The following ABI2 variants were observed in gnomAD, a reference collection of about 807,000 sequenced individuals.
ABI2 encodes abl interactor 2, also known as abelson interactor 2.
In ABI2, 25 loss-of-function variants were observed where a neutral mutation model predicts 59.2. The observed-to-expected ratio is 0.42, with a 90% CI of 0.31 to 0.59. The LOEUF (loss-of-function observed/expected upper bound fraction) is 0.59. Ranked by LOEUF, ABI2 falls within the 20% of genes least tolerant of loss-of-function variation. The probability of loss-of-function intolerance (pLI) is 0.14; values close to 1 mark genes in which losing one functional copy is unlikely to be tolerated. For missense variants in ABI2, 545 were observed against 681.8 expected (o/e 0.80, Z 2.23); for synonymous variants, 213 against 235.5 (o/e 0.90, Z 0.87).
At chr2:203,345,702 C>A (rs1483514670) in intron 1 of ABI2, among the ~76,000 whole-genome samples, 1 of 151,958 alleles carries the variant, frequency 6.6e-6, no homozygotes, top group African/African-American at 2.4e-5. Context: ...AGCCACCACG[C>A]CCAGCCCTAA....
chr2:203,340,825 A>G (rs1274316751), intron 1 of ABI2, among the ~76,000 whole-genome samples: 9 of 148,700 alleles, frequency 6.1e-5, no homozygotes, highest in African/African-American at 1.5e-4. Flanking sequence ...AGCAAAGCTG[A>G]AAAAAAAAAC....
At chr2:203,395,487 T>A (rs1009891286) in intron 6 of ABI2, among the ~76,000 whole-genome samples, 169 bp from the exon 7 acceptor site, 14 of 117,610 alleles carry the variant, frequency 1.2e-4, no homozygotes, top group African/African-American at 3.6e-4. Flanking sequence ...ACACACACAT[T>A]TTTTTTTAAC....
chr2:203,394,839 A>G lies in ABI2; in HGVS notation c.718A>G (p.Thr240Ala), dbSNP rs752801855. Residue 240 changes from threonine (T) to alanine (A), a missense_variant, in exon 6 of 12, where the codon ACT becomes GCT. By Grantham distance (58) the Thr-to-Ala change is moderately conservative. Transcript: ENST00000261018. ...AGCTTCTGTGAATCAAAGAAATCGA[A>G]CTTACAGGTATTTTCTCTACCTCAG... Reference protein sequence around the residue: ...RTASVNQRNRTYSSSGSSGGS... With the variant: ...RTASVNQRNRAYSSSGSSGGS... The G allele has an allele frequency of 6.2e-7, 1 of 1,613,954 alleles. No individual in the cohort carries two copies. The highest frequency in any genetic ancestry group is 1.3e-5 in the African/African-American group (1 of 74,916).
intron 8 of ABI2, among the ~76,000 whole-genome samples, chr2:203,398,027 A>T (rs1420329304): frequency 2.6e-5 from 4 of 152,234 alleles, no homozygotes; most frequent in Non-Finnish European, 5.9e-5. Context: ...AAAGCATATC[A>T]ATCACCGTAG....
chr2:203,407,124 CA>C (rs1165451739), intron 9 of ABI2, among the ~76,000 whole-genome samples: 3 of 152,036 alleles, frequency 2.0e-5, no homozygotes, highest in African/African-American at 4.8e-5. Flanking sequence ...GAATTTTGAG[CA>C]AAGAATTGTT....
intron 1 of ABI2, chr2:203,342,145 A>G: frequency 2.2e-6 from 1 of 449,408 alleles, no homozygotes; most frequent in East Asian, 7.0e-5. Flanking sequence ...CTTATGACTC[A>G]CACCATTTAT....
In ABI2 at chr2:203,350,248, C is replaced by T. The variant is rs117219927; in HGVS notation, c.118-16629C>T. Among the ~76,000 whole-genome samples the T allele has an allele frequency of 2.0e-4, 31 of 152,114 alleles. No individual in the cohort carries two copies. In the East Asian group the frequency reaches 5.6e-3, roughly 28 times the overall value. ...TGCATTACTATGCCCGGCTAATTCTCGTATTTTTAGTAGAGACGAGGTTTC... is the reference window on the plus strand; with the variant it reads ...TGCATTACTATGCCCGGCTAATTCTTGTATTTTTAGTAGAGACGAGGTTTC... On this transcript the variant is annotated intron_variant, in intron 1 of 11. Transcript: ENST00000261018.
Position 203,394,683 on chromosome 2 carries a change from C to A in ABI2, c.579-17C>A. 1 of 1,612,512 alleles carries A rather than the reference C, an allele frequency of 6.2e-7. No individual in the cohort carries two copies. The highest frequency in any genetic ancestry group is 1.7e-5 in the Admixed American group (1 of 59,828). Reference sequence around the variant, plus strand: ...AACTTGCTTAATCATACAATACATACGCTCTTCTTTTTGTAGGCGGCACTC... The same window carrying A: ...AACTTGCTTAATCATACAATACATAAGCTCTTCTTTTTGTAGGCGGCACTC... On this transcript the variant is annotated splice_polypyrimidine_tract_variant and intron_variant, in intron 5 of 11. Coordinates refer to ENST00000261018, the MANE Select transcript of ABI2 (RefSeq NM_001375670.1).
At chr2:203,374,486 G>A (rs190678718) in intron 2 of ABI2, among the ~76,000 whole-genome samples, 4 of 132,390 alleles carry the variant, frequency 3.0e-5, no homozygotes, top group East Asian at 2.2e-4. Context: ...GTGGCAAAGC[G>A]AGACTCTGTC....
intron 9 of ABI2, among the ~76,000 whole-genome samples, chr2:203,410,037 T>TG (rs1236865843): frequency 2.6e-5 from 4 of 152,208 alleles, no homozygotes; most frequent in Non-Finnish European, 5.9e-5. Context: ...TCCTGTGAAC[T>TG]GGTTATGCTG....
At chr2:203,360,309 T>C (rs1168196568) in intron 1 of ABI2, among the ~76,000 whole-genome samples, 1 of 152,136 alleles carries the variant, frequency 6.6e-6, no homozygotes, top group Non-Finnish European at 1.5e-5. Flanking sequence ...CAATTTGTGT[T>C]GTCATGTGAG....
chr2:203,369,268 TA>T (rs938426483), intron 2 of ABI2, among the ~76,000 whole-genome samples: 4 of 151,532 alleles, frequency 2.6e-5, no homozygotes, highest in African/African-American at 7.3e-5. Flanking sequence ...AAAGAAACGT[TA>T]AAAAAAAGAA....
At chr2:203,336,306 A>G (rs912336429) in intron 1 of ABI2, among the ~76,000 whole-genome samples, 1 of 152,188 alleles carries the variant, frequency 6.6e-6, no homozygotes, top group African/African-American at 2.4e-5. Context: ...TCTTTTGGGT[A>G]AATTTAAGGG....
intron 10 of ABI2, among the ~76,000 whole-genome samples, chr2:203,416,441 G>T (rs922385613): frequency 6.6e-6 from 1 of 152,012 alleles, no homozygotes; most frequent in Non-Finnish European, 1.5e-5. Flanking sequence ...GATTACGGGC[G>T]CCCACGACCA....
intron 10 of ABI2, among the ~76,000 whole-genome samples, chr2:203,415,344 G>A (rs753366835): frequency 1.3e-5 from 2 of 152,064 alleles, no homozygotes; most frequent in Non-Finnish European, 2.9e-5. Context: ...TTCACCGGGC[G>A]CGGTGGCTCA....
chr2:203,421,565 C>T (rs2153579249), intron 11 of ABI2, among the ~76,000 whole-genome samples: 1 of 152,176 alleles, frequency 6.6e-6, no homozygotes, highest in Middle Eastern at 3.4e-3. Context: ...CACCACTGTG[C>T]TTTTTTTAAG....
intron 1 of ABI2, among the ~76,000 whole-genome samples, chr2:203,365,551 T>G (rs1376750156): frequency 6.6e-6 from 1 of 151,984 alleles, no homozygotes; most frequent in Non-Finnish European, 1.5e-5. Flanking sequence ...ATTTTATTTT[T>G]TGTTACTCTG....
chr2:203,372,531 A>G (rs934060874), intron 2 of ABI2, among the ~76,000 whole-genome samples: 85 of 148,970 alleles, frequency 5.7e-4, no homozygotes, highest in African/African-American at 2.0e-3. Context: ...CTCATCTCCC[A>G]GACGGGGCGG....
At chr2:203,331,469 C>T (rs2073457331) in intron 1 of ABI2, among the ~76,000 whole-genome samples, 1 of 149,002 alleles carries the variant, frequency 6.7e-6, no homozygotes, top group African/African-American at 2.5e-5. Context: ...AGCGATTCTT[C>T]TGCCTCAGCC....
Sources: allele counts gnomAD v4.1 joint callset (sites outside exome capture counted in the v4.1 genomes callset), GRCh38; gene constraint gnomAD v4.1.1; transcripts MANE v1.5; gene names NCBI Gene and HGNC (gene_info 2026-07-23, HGNC 2026-07-21).